TAS2R1: variants seen among roughly 807,000 people sequenced by gnomAD.
TAS2R1 encodes taste 2 receptor member 1.
For synonymous variants in TAS2R1, 141 were observed against 134.2 expected (o/e 1.05, Z -0.35); for missense variants, 370 against 353.4 (o/e 1.05, Z -0.38).
At chr5:9,871,308 T>C in the TAS2R1 span, among the ~76,000 whole-genome samples, 4 of 152,248 alleles carry the variant, frequency 2.6e-5, no homozygotes, top group African/African-American at 4.8e-5. Context: ...TTTGACTATG[T>C]CCTTTCCAAG....
chr5:9,762,285 C>A, the TAS2R1 span, among the ~76,000 whole-genome samples: 1 of 152,172 alleles, frequency 6.6e-6, no homozygotes, highest in African/African-American at 2.4e-5. Context: ...TAGCAAAATA[C>A]CTGCTCAAAG....
At chr5:9,862,600 TATG>T in the TAS2R1 span, among the ~76,000 whole-genome samples, 107,395 of 151,456 alleles carry the variant, frequency 0.71, 38,252 homozygotes, top group African/African-American at 0.79. Context: ...TATTTCGTTT[TATG>T]ATTATTATTA....
chr5:9,786,883 T>G, the TAS2R1 span, among the ~76,000 whole-genome samples: 14 of 152,356 alleles, frequency 9.2e-5, no homozygotes, highest in South Asian at 4.1e-4. Context: ...TGAAACATAC[T>G]TTCTCTGCAT....
chr5:9,859,411 T>C, the TAS2R1 span, among the ~76,000 whole-genome samples: 1 of 152,236 alleles, frequency 6.6e-6, no homozygotes, highest in South Asian at 2.1e-4. Flanking sequence ...AACCACACTT[T>C]GTTTTTCATA....
chr5:9,896,011 T>G, the TAS2R1 span, among the ~76,000 whole-genome samples: 2 of 152,224 alleles, frequency 1.3e-5, no homozygotes, highest in African/African-American at 4.8e-5. Context: ...TGATGAATGT[T>G]ATAACTAGCT....
the TAS2R1 span, among the ~76,000 whole-genome samples, chr5:9,865,988 T>C: frequency 1.3e-5 from 2 of 152,218 alleles, no homozygotes; most frequent in African/African-American, 4.8e-5. Context: ...GTTCATTTTC[T>C]TTCTCCTCTC....
the TAS2R1 span, among the ~76,000 whole-genome samples, chr5:9,860,744 G>A: frequency 6.6e-6 from 1 of 152,172 alleles, no homozygotes; most frequent in African/African-American, 2.4e-5. Flanking sequence ...AGTCCTTAAG[G>A]CAAAGTTACC....
At chr5:9,633,289 G>GTGTA (rs1160747405), upstream of TAS2R1, among the ~76,000 whole-genome samples, 76 of 61,410 alleles carry the variant, frequency 1.2e-3, 1 homozygote, top group African/African-American at 5.5e-3. Flanking sequence ...GTGTGTGTGT[G>GTGTA]TATATTATAT....
At chr5:9,804,068 C>G in the TAS2R1 span, among the ~76,000 whole-genome samples, 6 of 151,940 alleles carry the variant, frequency 3.9e-5, no homozygotes, top group Non-Finnish European at 8.8e-5. Context: ...CCAATGGACA[C>G]CAAAAGAGAG....
the TAS2R1 span, among the ~76,000 whole-genome samples, chr5:9,733,253 G>C: frequency 9.2e-5 from 14 of 152,314 alleles, no homozygotes; most frequent in East Asian, 2.7e-3. Flanking sequence ...TGTGAATAAA[G>C]TTTTATTGGA....
chr5:9,702,528 T>C (rs1741509475), intron 1 of TAS2R1, among the ~76,000 whole-genome samples: 1 of 152,072 alleles, frequency 6.6e-6, no homozygotes, highest in South Asian at 2.1e-4. Flanking sequence ...AAGAAAGTCA[T>C]AGATAAAGAC....
At chr5:9,744,238 C>G in the TAS2R1 span, among the ~76,000 whole-genome samples, 1 of 152,170 alleles carries the variant, frequency 6.6e-6, no homozygotes, top group African/African-American at 2.4e-5. Context: ...CAATCAAACT[C>G]TTTTTGTTTG....
At chr5:9,691,399 T>A (rs557353159) in intron 1 of TAS2R1, among the ~76,000 whole-genome samples, 37 of 152,342 alleles carry the variant, frequency 2.4e-4, no homozygotes, top group African/African-American at 8.7e-4. Context: ...TGTGAGAGTA[T>A]AAGTTTCTGT....
At position 9,697,163 on chromosome 5, in the gene TAS2R1, G is replaced by A. The variant is rs77736936; in HGVS notation, c.-242+15009C>T. ...CTTTTAATTTGAACTAAATCTGAAA[G>A]ACACCTTTTTTGTTTAAAAAAAAAG... On this transcript the variant is annotated intron_variant, in intron 1 of 2. Coordinates refer to the TAS2R1 transcript ENST00000506620. 3.2e-3 allele frequency among the ~76,000 whole-genome samples: 480 copies of A among 151,784 alleles called. 2 individuals carry two copies. Among genetic ancestry groups the A allele is most frequent in the African/African-American group, 0.011 (442 of 41,396 alleles).
the TAS2R1 span, among the ~76,000 whole-genome samples, chr5:9,891,299 G>C: frequency 6.6e-6 from 1 of 151,980 alleles, no homozygotes; most frequent in African/African-American, 2.4e-5. Flanking sequence ...GTAAAACAAT[G>C]CCAATCTCTC....
intron 1 of TAS2R1, among the ~76,000 whole-genome samples, chr5:9,682,260 A>C (rs565021607): frequency 1.3e-5 from 2 of 152,338 alleles, no homozygotes; most frequent in Admixed American, 6.5e-5. Flanking sequence ...ATTGCCAACA[A>C]AGCAGGTTTG....
chr5:9,885,116 C>T, the TAS2R1 span, among the ~76,000 whole-genome samples: 1 of 152,182 alleles, frequency 6.6e-6, no homozygotes, highest in Non-Finnish European at 1.5e-5. Flanking sequence ...AAGTGACTCG[C>T]CCAAGGTCAC....
chr5:9,878,579 GGTT>G, the TAS2R1 span, among the ~76,000 whole-genome samples: 1 of 152,146 alleles, frequency 6.6e-6, no homozygotes, highest in African/African-American at 2.4e-5. Context: ...TTTAGTTTGG[GGTT>G]GTTTTTACTT....
At chr5:9,875,774 A>G in the TAS2R1 span, among the ~76,000 whole-genome samples, 1 of 152,210 alleles carries the variant, frequency 6.6e-6, no homozygotes, top group Non-Finnish European at 1.5e-5. Context: ...CGAGTAGGTT[A>G]GAAGCAGGAG....
Sources: gnomAD v4.1 joint callset for allele counts (sites outside exome capture counted in the v4.1 genomes callset) on GRCh38, gnomAD v4.1.1 for gene constraint, MANE v1.5 for transcripts, NCBI Gene and HGNC (gene_info 2026-07-23, HGNC 2026-07-21) for gene names.